ATF6: variants seen among roughly 807,000 people sequenced by gnomAD.
ATF6 encodes cyclic AMP-dependent transcription factor ATF-6 alpha.
In ATF6, 53 loss-of-function variants were observed where a neutral mutation model predicts 83.6. The ratio of observed to expected loss-of-function variants is 0.63; its 90% CI spans 0.51 to 0.80. The LOEUF is 0.80. ATF6 is among the 30% of genes least tolerant of loss of function. ATF6 has a pLI of 0.00. For synonymous variants in ATF6, 288 were observed against 285.8 expected (o/e 1.01, Z -0.08); for missense variants, 744 against 797.9 (o/e 0.93, Z 0.81).
At chr1:161,812,171 T>C (rs1057269570) in intron 7 of ATF6, among the ~76,000 whole-genome samples, 1 of 152,104 alleles carries the variant, frequency 6.6e-6, no homozygotes, top group Non-Finnish European at 1.5e-5. Context: ...ATAACAGCTC[T>C]TTGAAATGAA....
chr1:161,955,616 C>T (rs1382320171), intron 15 of ATF6, among the ~76,000 whole-genome samples: 1 of 152,198 alleles, frequency 6.6e-6, no homozygotes, highest in Non-Finnish European at 1.5e-5. Context: ...AGTACTAAGC[C>T]ACCCAAAGAA....
intron 1 of ATF6, among the ~76,000 whole-genome samples, chr1:161,768,674 C>A (rs1335533652): frequency 6.6e-6 from 1 of 152,106 alleles, no homozygotes; most frequent in African/African-American, 2.4e-5. Flanking sequence ...AGTGATCCTT[C>A]CATCTGAGCC....
intron 14 of ATF6, among the ~76,000 whole-genome samples, chr1:161,874,225 C>A (rs1319299521): frequency 1.3e-5 from 2 of 151,558 alleles, no homozygotes; most frequent in African/African-American, 2.4e-5. Flanking sequence ...ATTGTGCTAT[C>A]ATTTTAACCT....
At chr1:161,860,376 A>C in intron 13 of ATF6, 99 bp downstream of exon 13, 1 of 677,430 alleles carries the variant, frequency 1.5e-6, no homozygotes, top group Non-Finnish European at 2.2e-6. Context: ...ATTTGTTCTC[A>C]TCTATGAGTT....
At chr1:161,815,379 C>T (rs1176269850) in intron 7 of ATF6, among the ~76,000 whole-genome samples, 1 of 151,102 alleles carries the variant, frequency 6.6e-6, no homozygotes, top group Non-Finnish European at 1.5e-5. Flanking sequence ...TTAGCAGAGA[C>T]GAGGTCTTCC....
intron 1 of ATF6, among the ~76,000 whole-genome samples, chr1:161,777,977 A>G (rs1684556351): frequency 6.6e-6 from 1 of 152,234 alleles, no homozygotes; most frequent in Admixed American, 6.5e-5. Flanking sequence ...CCATAAAGCC[A>G]CTACCAATTA....
chr1:161,834,526 T>G (rs1044505101), intron 9 of ATF6, among the ~76,000 whole-genome samples: 1 of 147,142 alleles, frequency 6.8e-6, no homozygotes, highest in African/African-American at 2.5e-5. Flanking sequence ...ATTGCAAGGA[T>G]AAAAAACCAA....
At chr1:161,898,723 TTTTTAGTAGAGA>T (rs1343497124) in intron 14 of ATF6, among the ~76,000 whole-genome samples, 10 of 152,188 alleles carry the variant, frequency 6.6e-5, no homozygotes, top group Admixed American at 2.0e-4. Flanking sequence ...AATTTTTGTA[TTTTTAGTAGAGA>T]CAGGGTTTTA....
chr1:161,841,982 G>A (rs1686369113), intron 9 of ATF6, among the ~76,000 whole-genome samples: 1 of 152,178 alleles, frequency 6.6e-6, no homozygotes, highest in Admixed American at 6.5e-5. Context: ...AGTTTACATA[G>A]TGTTAGTAAA....
intron 6 of ATF6, among the ~76,000 whole-genome samples, chr1:161,797,151 G>A (rs1459386896): frequency 2.6e-5 from 4 of 152,008 alleles, no homozygotes; most frequent in East Asian, 1.9e-4. Flanking sequence ...AACAAATTAG[G>A]CATCAAAGGA....
intron 15 of ATF6, among the ~76,000 whole-genome samples, chr1:161,931,639 G>A (rs1688436150): frequency 6.6e-6 from 1 of 152,062 alleles, no homozygotes; most frequent in South Asian, 2.1e-4. Flanking sequence ...CAGTAATGCT[G>A]AGCATCTTTT....
chr1:161,846,481 C>G lies in ATF6; in HGVS notation c.1220C>G (p.Pro407Arg). The G allele has an allele frequency of 6.2e-7, 1 of 1,610,368 alleles. No homozygotes were observed. The highest frequency in any genetic ancestry group is 8.5e-7 in the Non-Finnish European group (1 of 1,177,834). Residue 407 changes from proline (P) to arginine (R), a missense_variant, in exon 10 of 16, where the codon CCT (proline) becomes CGT (arginine). Transcript: ENST00000367942. ...GAACAGGATTCCAGGAGAATGAACC[C>G]TAGTGTGAGCCCTGCAAATCAAAGG... ...MLEQDSRRMN[P>R]SVSPANQRRH...
At chr1:161,804,330 T>C (rs977549859) in intron 7 of ATF6, among the ~76,000 whole-genome samples, 6 of 152,094 alleles carry the variant, frequency 3.9e-5, no homozygotes, top group Admixed American at 3.9e-4. Context: ...AGGTCAACAG[T>C]ATATCACTGT....
Position 161,863,180 on chromosome 1 carries a change from A to T in ATF6, c.1605-18A>T, listed in dbSNP as rs1489284072. Reference sequence around the variant, plus strand: ...AAACTTTTTATTTTAGTAATACCTTATATTTTTCTTACTTTAGCAGGAACT... The same window carrying T: ...AAACTTTTTATTTTAGTAATACCTTTTATTTTTCTTACTTTAGCAGGAACT... On this transcript the variant is annotated intron_variant, in intron 13 of 15. Transcript: ENST00000367942. 1.4e-6 allele frequency: 2 copies of T among 1,441,070 alleles called. No individual in the cohort carries two copies. Among genetic ancestry groups the T allele is most frequent in the African/African-American group, 2.8e-5 (2 of 70,950 alleles). The allele number at this position is 1,441,070 out of a possible 1,614,324, so 89.3% of individuals were successfully genotyped here. A position where few individuals can be genotyped will look rare whatever the true frequency, so the allele number is the denominator to read the frequency against.
intron 1 of ATF6, among the ~76,000 whole-genome samples, chr1:161,767,918 C>T (rs182983847): frequency 8.5e-5 from 13 of 152,290 alleles, no homozygotes; most frequent in Admixed American, 2.6e-4. Context: ...TGTAATGGCG[C>T]AATCTTGGCT....
chr1:161,806,311 T>C (rs776731086), intron 7 of ATF6, among the ~76,000 whole-genome samples: 1 of 152,224 alleles, frequency 6.6e-6, no homozygotes, highest in Non-Finnish European at 1.5e-5. Flanking sequence ...TAAATCTGCA[T>C]TACACTCACT....
intron 15 of ATF6, among the ~76,000 whole-genome samples, chr1:161,949,010 C>T (rs1688813536): frequency 6.6e-6 from 1 of 152,210 alleles, no homozygotes; most frequent in African/African-American, 2.4e-5. Context: ...GGTCTCCACC[C>T]TGTACTTAAC....
At chr1:161,783,561 T>G (rs570542423) in intron 3 of ATF6, among the ~76,000 whole-genome samples, 1 of 152,306 alleles carries the variant, frequency 6.6e-6, no homozygotes, top group Non-Finnish European at 1.5e-5. Context: ...TTTAAATTTT[T>G]TGGGAAGCTA....
intron 14 of ATF6, among the ~76,000 whole-genome samples, chr1:161,873,257 A>G (rs906551449): frequency 1.3e-5 from 2 of 151,610 alleles, no homozygotes; most frequent in African/African-American, 4.8e-5. Flanking sequence ...CAAAATGTTA[A>G]AGTTTATAGA....
Sources: gnomAD v4.1 joint callset for allele counts (sites outside exome capture counted in the v4.1 genomes callset) on GRCh38, gnomAD v4.1.1 for gene constraint, MANE v1.5 for transcripts, NCBI Gene and HGNC (gene_info 2026-07-23, HGNC 2026-07-21) for gene names.